The following SLCO1A2 variants were observed in gnomAD, a reference collection of about 807,000 sequenced individuals.
The protein encoded by SLCO1A2 is solute carrier organic anion transporter family member 1A2.
In SLCO1A2, 67 loss-of-function variants were observed where a neutral mutation model predicts 69.0. The observed-to-expected ratio is 0.97, with a 90% CI of 0.80 to 1.19. The LOEUF is 1.19. Ranked by LOEUF, SLCO1A2 falls within the 50% of genes most tolerant of loss-of-function variation. SLCO1A2 has a pLI of 0.00. For synonymous variants in SLCO1A2, 260 were observed against 265.9 expected, an observed-to-expected ratio of 0.98 and a Z score of 0.22; for missense variants, 787 against 793.7, an observed-to-expected ratio of 0.99 and a Z score of 0.10.
chr12:21,307,598 C>T (rs1249609060), intron 4 of SLCO1A2, among the ~76,000 whole-genome samples: 1 of 152,116 alleles, frequency 6.6e-6, no homozygotes, highest in Admixed American at 6.5e-5. Flanking sequence ...GATTAATAAA[C>T]TATGACCATT....
intron 1 of SLCO1A2, among the ~76,000 whole-genome samples, chr12:21,387,675 T>G (rs1294436012): frequency 6.6e-6 from 1 of 152,190 alleles, no homozygotes; most frequent in Admixed American, 6.5e-5. Flanking sequence ...CATGGACCCC[T>G]GCTAGCGCAG....
upstream of SLCO1A2, among the ~76,000 whole-genome samples, chr12:21,399,380 A>G (rs1230102749): frequency 4.6e-5 from 2 of 43,168 alleles, no homozygotes; most frequent in African/African-American, 9.5e-5. Flanking sequence ...AAAAGAGGAT[A>G]CAAACAAATG....
intron 2 of SLCO1A2, among the ~76,000 whole-genome samples, chr12:21,361,238 T>C (rs1270102848): frequency 3.9e-5 from 6 of 152,196 alleles, no homozygotes; most frequent in Admixed American, 3.9e-4. Flanking sequence ...ATATTAGCTG[T>C]TCTTCAGCCT....
chr12:21,300,928 T>C (rs942934759), intron 7 of SLCO1A2, among the ~76,000 whole-genome samples: 3 of 152,214 alleles, frequency 2.0e-5, no homozygotes, highest in Admixed American at 1.3e-4. Flanking sequence ...CCAAGAAATA[T>C]AGTTGAAGTG....
intron 12 of SLCO1A2, among the ~76,000 whole-genome samples, chr12:21,280,517 A>G (rs1053636539): frequency 6.6e-6 from 1 of 152,082 alleles, no homozygotes; most frequent in Non-Finnish European, 1.5e-5. Flanking sequence ...GGATTAATTA[A>G]GCAAGAGGAC....
In SLCO1A2 at chr12:21,414,208, GCAGCCAGACC is replaced by G. The variant is rs1184484927; in HGVS notation, c.-312+3664_-312+3673del. On this transcript the variant is annotated intron_variant, in intron 1 of 4. Transcript: ENST00000413682. The stretch of plus-strand genomic sequence containing the variant: ...TTTCGTTATTGGGCCAGGAGAGAAT[GCAGCCAGACC>G]CAGCTCTGTTCTGGGAACAAAAGTG... Among the ~76,000 whole-genome samples, 13 of 151,538 alleles carry G rather than the reference GCAGCCAGACC, an allele frequency of 8.6e-5. No homozygotes were observed. In the South Asian group the frequency reaches 2.7e-3, roughly 32 times the overall value.
At chr12:21,299,938 CCTCT>C (rs1370200253) in intron 8 of SLCO1A2, among the ~76,000 whole-genome samples, 1 of 142,628 alleles carries the variant, frequency 7.0e-6, no homozygotes, top group South Asian at 2.2e-4. Context: ...CCCTCTCTCT[CCTCT>C]CTCTCATATA....
At chr12:21,389,091 T>G (rs1232782450) in intron 1 of SLCO1A2, among the ~76,000 whole-genome samples, 3 of 152,220 alleles carry the variant, frequency 2.0e-5, no homozygotes, top group African/African-American at 7.2e-5. Flanking sequence ...AGGAGCTGAA[T>G]AACCTAAAAT....
chr12:21,320,337 C>G (rs1951445143), intron 2 of SLCO1A2, among the ~76,000 whole-genome samples: 1 of 152,190 alleles, frequency 6.6e-6, no homozygotes, highest in African/African-American at 2.4e-5. Flanking sequence ...TTACCTCTAT[C>G]CCTACCTTCT....
chr12:21,366,346 C>T (rs1405620517), intron 2 of SLCO1A2, among the ~76,000 whole-genome samples: 1 of 136,032 alleles, frequency 7.4e-6, no homozygotes, highest in Non-Finnish European at 1.5e-5. Context: ...GAGAATTGAA[C>T]AATGAGAACA....
In SLCO1A2 at chr12:21,310,811, GC is replaced by G. The variant is rs1392505176; in HGVS notation, c.335+3737del. Reference sequence around the variant, plus strand: ...GTAGAGACGGGGTTTCACCGTGTTAGCCAGGATGGTCTTGATCTCCTGACCT... The same window carrying G: ...GTAGAGACGGGGTTTCACCGTGTTAGCAGGATGGTCTTGATCTCCTGACCT... On this transcript the variant is annotated intron_variant, in intron 4 of 14. Coordinates refer to ENST00000683939, the MANE Select transcript of SLCO1A2 (RefSeq NM_001386879.1). Among the ~76,000 whole-genome samples, 5 of 152,130 alleles carry G rather than the reference GC, an allele frequency of 3.3e-5. No individual in the cohort carries two copies. The South Asian group carries it at 8.3e-4, about 25-fold the overall frequency.
intron 2 of SLCO1A2, among the ~76,000 whole-genome samples, chr12:21,325,391 A>G (rs1952144786): frequency 6.6e-6 from 1 of 152,112 alleles, no homozygotes; most frequent in South Asian, 2.1e-4. Context: ...GTACATTTTT[A>G]TGTTCTGGTT....
intron 2 of SLCO1A2, among the ~76,000 whole-genome samples, chr12:21,358,408 C>G (rs909809118): frequency 7.9e-5 from 12 of 152,110 alleles, no homozygotes; most frequent in African/African-American, 2.9e-4. Flanking sequence ...TCGAGCAATA[C>G]TACTTTTAAA....
chr12:21,314,486 G>A, intron 4 of SLCO1A2, 63 bp downstream of exon 4: 1 of 1,575,810 alleles, frequency 6.3e-7, no homozygotes, highest in Non-Finnish European at 8.7e-7. Flanking sequence ...AGAGAGGAAA[G>A]TGCAACTTCA....
intron 4 of SLCO1A2, among the ~76,000 whole-genome samples, 157 bp from the exon 5 acceptor site, chr12:21,307,145 TATC>T (rs1444462380): frequency 6.6e-6 from 1 of 152,224 alleles, no homozygotes; most frequent in East Asian, 1.9e-4. Flanking sequence ...CATAAGTTAA[TATC>T]ATCAAAAAAC....
At chr12:21,313,692 G>A (rs1031178900) in intron 4 of SLCO1A2, among the ~76,000 whole-genome samples, 2 of 152,206 alleles carry the variant, frequency 1.3e-5, no homozygotes, top group South Asian at 2.1e-4. Context: ...CAGCCTGGGC[G>A]ACAGAGTGAG....
chr12:21,344,109 T>C (rs1953171371), intron 2 of SLCO1A2, among the ~76,000 whole-genome samples: 1 of 152,128 alleles, frequency 6.6e-6, no homozygotes, highest in South Asian at 2.1e-4. Flanking sequence ...ATAAATCTTG[T>C]TTACTGAGTG....
In SLCO1A2 at chr12:21,305,136, C is replaced by T. The variant is rs2136507643; in HGVS notation, c.443-563G>A. Among the ~76,000 whole-genome samples, 2 of 152,312 alleles carry T rather than the reference C, an allele frequency of 1.3e-5. 1 individual carries two copies. Among genetic ancestry groups the T allele is most frequent in the Non-Finnish European group, 2.9e-5 (2 of 68,028 alleles). ...TAATCATCATAGGTTCTCTATAGAG[C>T]ATGTTGTATACTGTAACCACCAAAT... On this transcript the variant is annotated intron_variant, in intron 5 of 14. Transcript: ENST00000683939.
upstream of SLCO1A2, chr12:21,418,125 A>G (rs1942017195): frequency 6.6e-6 from 1 of 152,210 alleles, no homozygotes; most frequent in Non-Finnish European, 1.5e-5. Context: ...GGCCAGAGGC[A>G]ACAAAGGGAA....
Sources: allele counts gnomAD v4.1 joint callset (sites outside exome capture counted in the v4.1 genomes callset), GRCh38; gene constraint gnomAD v4.1.1; transcripts MANE v1.5; gene names NCBI Gene and HGNC (gene_info 2026-07-23, HGNC 2026-07-21).